Variants in PRH1 observed in about 807,000 individuals in gnomAD.
PRH1 encodes the protein salivary acidic proline-rich phosphoprotein 1/2.
A neutral mutation model predicts 7.9 loss-of-function variants in PRH1; 7 were observed. That is an observed-to-expected ratio of 0.89 (90% CI 0.50 to 1.67). The LOEUF (loss-of-function observed/expected upper bound fraction) is 1.67, where lower values mean the gene tolerates loss of function less well. Among genes scored for constraint, PRH1 ranks in the 40% most tolerant of loss-of-function variants. The pLI is 0.00. For synonymous variants in PRH1, 45 were observed against 80.8 expected, an observed-to-expected ratio of 0.56 and a Z score of 2.38; for missense variants, 109 against 223.6, an observed-to-expected ratio of 0.49 and a Z score of 3.27.
At chr12:11,145,052 C>G (rs1946822616) in intron 1 of PRH1, among the ~76,000 whole-genome samples, 1 of 152,228 alleles carries the variant, frequency 6.6e-6, no homozygotes, top group African/African-American at 2.4e-5. Context: ...ATTCACAATA[C>G]AAGCATCCAC....
intron 1 of PRH1, among the ~76,000 whole-genome samples, chr12:11,149,418 A>G (rs975142690): frequency 1.2e-4 from 18 of 152,146 alleles, no homozygotes; most frequent in Non-Finnish European, 1.3e-4. Context: ...ACTTCAAACT[A>G]TACTACAAGG....
upstream of PRH1, among the ~76,000 whole-genome samples, chr12:10,888,930 T>C (rs953898493): frequency 6.6e-6 from 1 of 152,236 alleles, no homozygotes; most frequent in African/African-American, 2.4e-5. Flanking sequence ...GTTAAATCCA[T>C]GTGTCAAGGC....
intron 1 of PRH1, among the ~76,000 whole-genome samples, chr12:11,152,540 T>C (rs1947132599): frequency 6.6e-6 from 1 of 152,188 alleles, no homozygotes; most frequent in Admixed American, 6.5e-5. Context: ...ATCTGTACTA[T>C]ATTTTAGTTT....
upstream of PRH1, among the ~76,000 whole-genome samples, chr12:11,047,632 T>C (rs960407514): frequency 2.6e-5 from 4 of 152,180 alleles, no homozygotes; most frequent in South Asian, 2.1e-4. Context: ...ATTCCTATTA[T>C]AGAAATGATT....
intron 2 of PRH1, among the ~76,000 whole-genome samples, chr12:10,939,801 T>C (rs1213856010): frequency 6.6e-6 from 1 of 152,106 alleles, no homozygotes; most frequent in African/African-American, 2.4e-5. Flanking sequence ...TGGTTAATAA[T>C]AGTGTATTGT....
downstream of PRH1, among the ~76,000 whole-genome samples, chr12:11,120,656 T>C (rs1347720444): frequency 6.6e-6 from 1 of 152,214 alleles, no homozygotes; most frequent in African/African-American, 2.4e-5. Flanking sequence ...TGGCTGTTTT[T>C]TTTTTAAATA....
chr12:11,120,769 C>T (rs1945875869), downstream of PRH1: 5 of 152,016 alleles, frequency 3.3e-5, no homozygotes, highest in Admixed American at 3.3e-4. Context: ...ATTTTTACTG[C>T]TTATCATGTT....
rs189503929 is a variant in PRH1 at position 11,090,578 on chromosome 12, A to G, written n.124-43390T>C. 1.2e-3 allele frequency among the ~76,000 whole-genome samples: 115 copies of G among 96,208 alleles called. 30 individuals carry two copies. Among genetic ancestry groups the G allele is most frequent in the Non-Finnish European group, 2.0e-3 (79 of 39,310 alleles). The allele number at this position is 96,208 out of a possible 152,430, so 63.1% of individuals were successfully genotyped here. On this transcript the variant is annotated intron_variant and non_coding_transcript_variant, in intron 1 of 4. Coordinates refer to the PRH1 transcript ENST00000541977. ...TGTTTCATCCCTTTATTAGAGAAGG[A>G]ATTTTTTCCTAAGCTATTCACATAT...
intron 1 of PRH1, among the ~76,000 whole-genome samples, chr12:10,981,365 ATTTTTTTTTTT>A (rs528019045): frequency 9.9e-5 from 11 of 111,596 alleles, no homozygotes; most frequent in African/African-American, 3.4e-4. Flanking sequence ...TTACTTCTGG[ATTTTTTTTTTT>A]TTTTTTTTTT....
At chr12:10,913,401 G>A (rs1027875497) in intron 2 of PRH1, among the ~76,000 whole-genome samples, 1 of 151,650 alleles carries the variant, frequency 6.6e-6, no homozygotes, top group African/African-American at 2.4e-5. Flanking sequence ...CTTGCAGTGA[G>A]CCAAGATCAC....
chr12:10,938,516 T>C, intron 2 of PRH1: 1 of 1,614,062 alleles, frequency 6.2e-7, no homozygotes, highest in Non-Finnish European at 8.5e-7. Context: ...GATCACACTT[T>C]TAACTCCTCT....
chr12:11,127,081 G>A (rs1946157006), intron 1 of PRH1, among the ~76,000 whole-genome samples: 2 of 152,152 alleles, frequency 1.3e-5, no homozygotes, highest in Non-Finnish European at 2.9e-5. Context: ...TAAATTCTCT[G>A]GCTAATGTCA....
chr12:11,030,172 A>C (rs1012474678), intron 1 of PRH1, among the ~76,000 whole-genome samples: 6 of 152,274 alleles, frequency 3.9e-5, no homozygotes, highest in Non-Finnish European at 8.8e-5. Flanking sequence ...TTGTATGAAA[A>C]AAACAGAAAA....
chr12:11,049,721 G>C (rs948004546), upstream of PRH1, among the ~76,000 whole-genome samples: 5 of 152,130 alleles, frequency 3.3e-5, no homozygotes, highest in African/African-American at 1.2e-4. Flanking sequence ...GGTTTAAATT[G>C]TTTAAGGAGC....
intron 1 of PRH1, among the ~76,000 whole-genome samples, chr12:10,995,299 A>T (rs971477099): frequency 7.3e-5 from 11 of 150,572 alleles, no homozygotes; most frequent in Non-Finnish European, 1.3e-4. Context: ...CTCTACTTTT[A>T]TGGTATTTAC....
At chr12:10,994,108 C>T (rs1397869288) in intron 1 of PRH1, among the ~76,000 whole-genome samples, 1 of 152,208 alleles carries the variant, frequency 6.6e-6, no homozygotes, top group Non-Finnish European at 1.5e-5. Context: ...AAGGAGTGGA[C>T]TGCATGGGAC....
rs554415942 is a variant in PRH1 at position 11,163,463 on chromosome 12, T to C, written n.39+7959A>G. Among the ~76,000 whole-genome samples the C allele has an allele frequency of 2.0e-5, 3 of 152,348 alleles. No individual in the cohort carries two copies. The South Asian group carries it at 6.2e-4, about 32-fold the overall frequency. ...CATAGTTTTTTTATCTCCAGAAGGA[T>C]ATATGCTAAGATAAATCTGAAAGTG... On this transcript the variant is annotated intron_variant and non_coding_transcript_variant, in intron 1 of 1. Coordinates refer to the PRH1 transcript ENST00000541175.
At chr12:11,131,693 A>G (rs1330655733) in intron 1 of PRH1, among the ~76,000 whole-genome samples, 1 of 64,202 alleles carries the variant, frequency 1.6e-5, no homozygotes, top group African/African-American at 3.6e-5. Context: ...CAGCTGCATC[A>G]AGACTATATT....
intron 2 of PRH1, among the ~76,000 whole-genome samples, chr12:10,926,633 T>G (rs1950127445): frequency 6.6e-6 from 1 of 152,156 alleles, no homozygotes; most frequent in African/African-American, 2.4e-5. Flanking sequence ...TCGAGGCTGT[T>G]AAAGACCTCC....
Sources: gnomAD v4.1 joint callset for allele counts (sites outside exome capture counted in the v4.1 genomes callset) on GRCh38, gnomAD v4.1.1 for gene constraint, MANE v1.5 for transcripts, NCBI Gene and HGNC (gene_info 2026-07-23, HGNC 2026-07-21) for gene names.